Variants in MYO3B observed in about 807,000 individuals in gnomAD.
MYO3B encodes the protein myosin-IIIb.
In MYO3B, 156 loss-of-function variants were observed where a neutral mutation model predicts 174.6. The observed-to-expected ratio is 0.89, with a 90% confidence interval of 0.78 to 1.02. The LOEUF (loss-of-function observed/expected upper bound fraction) is 1.02. Among genes scored for constraint, MYO3B ranks in the 50% least tolerant of loss-of-function variants. MYO3B has a pLI of 0.00. For missense variants in MYO3B, 1,632 were observed against 1,639.4 expected (o/e 1.00, Z 0.08); for synonymous variants, 563 against 569.1 (o/e 0.99, Z 0.15).
intron 32 of MYO3B, among the ~76,000 whole-genome samples, chr2:170,639,016 G>GC (rs1405836578): frequency 2.0e-5 from 3 of 152,190 alleles, no homozygotes; most frequent in Non-Finnish European, 4.4e-5. Context: ...GTGAGGCAGA[G>GC]CTGGAGACGA....
At chr2:170,411,497 A>T (rs1446158067) in intron 22 of MYO3B, among the ~76,000 whole-genome samples, 1 of 152,234 alleles carries the variant, frequency 6.6e-6, no homozygotes, top group Non-Finnish European at 1.5e-5. Context: ...TAGAAAAGGT[A>T]CAGTACAACT....
intron 30 of MYO3B, among the ~76,000 whole-genome samples, chr2:170,536,218 T>G (rs1384750417): frequency 6.6e-6 from 1 of 152,172 alleles, no homozygotes; most frequent in Non-Finnish European, 1.5e-5. Context: ...CTCAGTGGGA[T>G]TTGAGAAATT....
chr2:170,627,370 C>T (rs920386322), intron 32 of MYO3B, among the ~76,000 whole-genome samples: 7 of 152,152 alleles, frequency 4.6e-5, no homozygotes, highest in Non-Finnish European at 8.8e-5. Flanking sequence ...GCATTCATCA[C>T]GTAGTTCTCT....
chr2:170,258,822 G>C lies in MYO3B; in HGVS notation c.749+22686G>C, dbSNP rs13386431. On this transcript the variant is annotated intron_variant, in intron 7 of 34. Coordinates refer to ENST00000408978, the MANE Select transcript of MYO3B (RefSeq NM_138995.5). ...TACCTAGAAAACCTTAAACCTTAAA[G>C]ACTCCACCTAAAAGGCTCCTAGAAC... 7.2e-3 allele frequency among the ~76,000 whole-genome samples: 1,099 copies of C among 152,132 alleles called. 14 individuals are homozygous for C. Among genetic ancestry groups the C allele is most frequent in the African/African-American group, 0.025 (1,047 of 41,542 alleles).
At chr2:170,645,528 A>G (rs999009836) in intron 32 of MYO3B, among the ~76,000 whole-genome samples, 2 of 152,056 alleles carry the variant, frequency 1.3e-5, no homozygotes. Flanking sequence ...GTTTCTCTAC[A>G]TAAACTAATC....
At chr2:170,274,803 G>GA (rs1355425082) in intron 7 of MYO3B, among the ~76,000 whole-genome samples, 1 of 151,888 alleles carries the variant, frequency 6.6e-6, no homozygotes, top group Non-Finnish European at 1.5e-5. Context: ...CAATAAAAAA[G>GA]AAAAAAACGC....
rs746250424 is a variant in MYO3B, at chr2:170,499,801, C to G, written c.3282C>G (p.Ile1094Met). Residue 1094 changes from isoleucine to methionine, a missense_variant, in exon 27 of 35, where the codon ATC (isoleucine) becomes ATG (methionine). Coordinates refer to ENST00000408978, the MANE Select transcript of MYO3B (RefSeq NM_138995.5). ...AGAGAGAGAAGGGAGCCATTGCCAT[C>G]CAGTCAGGTAAATGGTCCTGTTCTC... ...REKREKGAIA[I>M]QSAWRGYDAR... 6.2e-7 allele frequency: 1 copy of G among 1,613,668 alleles called. No individual in the cohort carries two copies. Among genetic ancestry groups the G allele is most frequent in the Non-Finnish European group, 8.5e-7 (1 of 1,179,748 alleles).
chr2:170,461,494 G>A (rs1388448301), intron 23 of MYO3B, among the ~76,000 whole-genome samples: 2 of 150,278 alleles, frequency 1.3e-5, no homozygotes, highest in Non-Finnish European at 3.0e-5. Flanking sequence ...AAAAGGGCTG[G>A]GCCGAGCACG....
intron 30 of MYO3B, among the ~76,000 whole-genome samples, chr2:170,542,570 A>G (rs1690186876): frequency 6.6e-6 from 1 of 152,220 alleles, no homozygotes; most frequent in South Asian, 2.1e-4. Context: ...CAGGAAGTGT[A>G]GCCTTAGCAT....
chr2:170,653,209 G>C lies in MYO3B; in HGVS notation c.*88G>C. On this transcript the variant is annotated 3_prime_UTR_variant, in exon 35 of 35. Transcript: ENST00000408978. Reference sequence around the variant, plus strand: ...CATTGCGTAAGAAAGCACTGATATGGGGTCAGCTTCTTTGGACATATGGTC... The same window carrying C: ...CATTGCGTAAGAAAGCACTGATATGCGGTCAGCTTCTTTGGACATATGGTC... 6.6e-7 allele frequency: 1 copy of C among 1,523,898 alleles called. No homozygotes were observed. The highest frequency in any genetic ancestry group is 9.0e-7 in the Non-Finnish European group (1 of 1,107,766). The allele number at this position is 1,523,898 out of a possible 1,614,324, so 94.4% of individuals were successfully genotyped here. A position where few individuals can be genotyped will look rare whatever the true frequency, so the allele number is the denominator to read the frequency against.
At chr2:170,222,920 C>T (rs938621617) in intron 6 of MYO3B, among the ~76,000 whole-genome samples, 4 of 152,118 alleles carry the variant, frequency 2.6e-5, no homozygotes, top group Admixed American at 6.6e-5. Context: ...GTGAGAGGCT[C>T]AGCTTTGCCT....
chr2:170,251,871 G>A (rs149781127), intron 7 of MYO3B, among the ~76,000 whole-genome samples: 2 of 152,230 alleles, frequency 1.3e-5, no homozygotes, highest in Non-Finnish European at 2.9e-5. Context: ...ACCATAAGCA[G>A]AGGAGGAAGC....
chr2:170,580,718 A>ATATATATGTGTGTGTGTGTGTG (rs768974458), intron 32 of MYO3B, among the ~76,000 whole-genome samples: 18 of 142,700 alleles, frequency 1.3e-4, no homozygotes, highest in Admixed American at 3.5e-4. Flanking sequence ...AACCTTATAT[A>ATATATATGTGTGTGTGTGTGTG]TGTGTGTGTG....
intron 25 of MYO3B, among the ~76,000 whole-genome samples, chr2:170,474,253 G>C (rs1192460118): frequency 6.6e-6 from 1 of 152,058 alleles, no homozygotes; most frequent in East Asian, 1.9e-4. Context: ...GAGAGTTTCT[G>C]AGAGTTCTTA....
chr2:170,560,438 A>G (rs549025231), intron 32 of MYO3B, among the ~76,000 whole-genome samples: 18 of 152,324 alleles, frequency 1.2e-4, no homozygotes, highest in African/African-American at 3.8e-4. Flanking sequence ...GAGCAATTAG[A>G]ACAGCCAGTC....
At chr2:170,198,198 G>A (rs1257074827) in intron 1 of MYO3B, among the ~76,000 whole-genome samples, 3 of 144,642 alleles carry the variant, frequency 2.1e-5, no homozygotes, top group African/African-American at 7.7e-5. Flanking sequence ...TCCTTTCATT[G>A]CTAACGTCAA....
chr2:170,287,368 C>T lies in MYO3B; in HGVS notation c.750-48017C>T, dbSNP rs2093563948. ...CAACAGGGTATCAGGGTTCTCTTTT[C>T]TTCACATCCTCACCTACATCTGTTA... On this transcript the variant is annotated intron_variant, in intron 7 of 34. Coordinates refer to ENST00000408978, the MANE Select transcript of MYO3B (RefSeq NM_138995.5). Among the ~76,000 whole-genome samples the T allele has an allele frequency of 2.0e-5, 3 of 150,338 alleles. No homozygotes were observed. In the South Asian group the frequency reaches 6.3e-4, roughly 32 times the overall value.
intron 23 of MYO3B, among the ~76,000 whole-genome samples, chr2:170,452,224 C>T (rs1471545496): frequency 1.3e-5 from 2 of 152,006 alleles, no homozygotes; most frequent in East Asian, 1.9e-4. Context: ...GGTAACATAA[C>T]GTAAAACCAA....
chr2:170,588,848 G>A (rs1356147221), intron 32 of MYO3B, among the ~76,000 whole-genome samples: 2 of 152,180 alleles, frequency 1.3e-5, no homozygotes, highest in African/African-American at 4.8e-5. Flanking sequence ...TGGGCATGGG[G>A]TAATGTCACC....
Sources: gnomAD v4.1 joint callset for allele counts (sites outside exome capture counted in the v4.1 genomes callset) on GRCh38, gnomAD v4.1.1 for gene constraint, MANE v1.5 for transcripts, NCBI Gene and HGNC (gene_info 2026-07-23, HGNC 2026-07-21) for gene names.